Variants in PHYKPL observed in about 807,000 individuals in gnomAD.
PHYKPL encodes the protein 5-phosphohydroxy-L-lysine phospho-lyase.
In PHYKPL, 42 loss-of-function variants were observed where a neutral mutation model predicts 51.3. The ratio of observed to expected loss-of-function variants is 0.82; its 90% confidence interval spans 0.64 to 1.06. The LOEUF is 1.06. Among genes scored for constraint, PHYKPL ranks in the 50% least tolerant of loss-of-function variants. The pLI, the probability that PHYKPL is intolerant of heterozygous loss-of-function variation, is 0.00. For missense variants in PHYKPL, 655 were observed against 586.6 expected (o/e 1.12, Z -1.20); for synonymous variants, 264 against 236.0 (o/e 1.12, Z -1.09).
intron 12 of PHYKPL, chr5:178,210,822 G>A: frequency 1.7e-6 from 1 of 602,302 alleles, no homozygotes; most frequent in South Asian, 1.9e-5. Context: ...TGTGGTGTCT[G>A]AGAGGCCATA....
At chr5:178,217,863 A>G (rs1429968260) in intron 8 of PHYKPL, among the ~76,000 whole-genome samples, 1 of 149,900 alleles carries the variant, frequency 6.7e-6, no homozygotes, top group Non-Finnish European at 1.5e-5. Flanking sequence ...GTCTCAGAAA[A>G]AAAAAAAAAA....
At chr5:178,210,142 G>A (rs1186807419) in intron 12 of PHYKPL, 1 of 1,614,174 alleles carries the variant, frequency 6.2e-7, no homozygotes, top group Non-Finnish European at 8.5e-7. Flanking sequence ...GTCAGAGTCA[G>A]AGTTGGAATC....
intron 8 of PHYKPL, among the ~76,000 whole-genome samples, chr5:178,217,226 A>ATT (rs58049202): frequency 1.5e-3 from 218 of 143,680 alleles, no homozygotes; most frequent in South Asian, 4.7e-3. Flanking sequence ...GGCTCAACAG[A>ATT]TTTTTTTTTT....
intron 3 of PHYKPL, among the ~76,000 whole-genome samples, chr5:178,227,542 A>G (rs115614319): frequency 0.012 from 1,875 of 152,198 alleles, 42 homozygotes; most frequent in African/African-American, 0.043. Context: ...GAAGGAAAAG[A>G]GCTCAGTGTG....
chr5:178,222,769 C>A, intron 7 of PHYKPL, 83 bp downstream of exon 7: 1 of 1,501,830 alleles, frequency 6.7e-7, no homozygotes, highest in Non-Finnish European at 9.2e-7. Context: ...TCAGGACAGG[C>A]TGAGGTTGGG....
intron 9 of PHYKPL, 135 bp from the exon 10 acceptor site, chr5:178,215,020 G>A: frequency 1.2e-6 from 1 of 865,096 alleles, no homozygotes; most frequent in Non-Finnish European, 1.8e-6. Context: ...GGTGAGAATA[G>A]TTTCAGGGAA....
intron 3 of PHYKPL, chr5:178,228,538 C>G (rs1488276623): frequency 1.4e-6 from 1 of 702,590 alleles, no homozygotes; most frequent in African/African-American, 1.7e-5. Flanking sequence ...CAGCTCTTGA[C>G]ATGGCAAATG....
chr5:178,232,232 G>A (rs969528282), intron 1 of PHYKPL: 12 of 1,259,246 alleles, frequency 9.5e-6, no homozygotes, highest in South Asian at 2.5e-5. Flanking sequence ...TGAGGGCGGG[G>A]CCGTCTCCTG....
chr5:178,232,813 G>C (rs979866052), upstream of PHYKPL: 8 of 299,310 alleles, frequency 2.7e-5, no homozygotes, highest in African/African-American at 2.2e-4. Flanking sequence ...CTGGTTCCGG[G>C]ACGCGCCCCG....
intron 12 of PHYKPL, chr5:178,210,048 A>AC: frequency 6.4e-7 from 1 of 1,562,122 alleles, no homozygotes. Flanking sequence ...TAACCCTGCC[A>AC]CCCCAAAGGG....
At position 178,232,502 on chromosome 5, in the gene PHYKPL, G is replaced by C; in HGVS notation, c.49C>G (p.Arg17Gly). Reference sequence around the variant, plus strand: ...CCCCCGCCCGGGTACCTGATGAGCCGTTGCCTCAGGGCCAGCGTGTCGGCC... The same window carrying C: ...CCCCCGCCCGGGTACCTGATGAGCCCTTGCCTCAGGGCCAGCGTGTCGGCC... ...PKADTLALRQRLISSSCRLFF... is the reference protein window; with the variant it reads ...PKADTLALRQGLISSSCRLFF... The change falls in exon 1 of 13, where the codon CGG (arginine) becomes GGG (glycine). Residue 17 changes from arginine to glycine, a missense_variant. Physicochemically the swap from Arg to Gly is moderately radical, Grantham distance 125. Transcript: ENST00000308158. 7.5e-7 allele frequency: 1 copy of C among 1,341,288 alleles called. No individual in the cohort carries two copies. 83.1% of individuals were successfully genotyped at this position (1,341,288 alleles called of 1,614,324 possible). A position where few individuals can be genotyped will look rare whatever the true frequency, so the allele number is the denominator to read the frequency against.
Position 178,210,082 on chromosome 5 carries a change from C to G in PHYKPL, c.*32-1167G>C, listed in dbSNP as rs779878044. 2.5e-6 allele frequency: 4 copies of G among 1,603,148 alleles called. No individual in the cohort carries two copies. The South Asian group carries it at 4.5e-5, about 18-fold the overall frequency. ...GGCAGGATTTCCTCCATCCTAGCTCCTGCGTATGCTAAATGGTCCACGGGC... is the reference window on the plus strand; with the variant it reads ...GGCAGGATTTCCTCCATCCTAGCTCGTGCGTATGCTAAATGGTCCACGGGC... On this transcript the variant is annotated intron_variant, in intron 12 of 12. Coordinates refer to ENST00000308158, the MANE Select transcript of PHYKPL (RefSeq NM_153373.4).
At position 178,214,802 on chromosome 5, in the gene PHYKPL, A is replaced by G. The variant is rs1326438010; in HGVS notation, c.1166T>C (p.Val389Ala). 6.2e-7 allele frequency: 1 copy of G among 1,613,846 alleles called. No individual in the cohort carries two copies. Residue 389 changes from valine to alanine, a missense_variant, in exon 10 of 13, where the codon GTA becomes GCA. By Grantham distance (64) the Val-to-Ala change is moderately conservative. Transcript: ENST00000308158. ...TPATEEAAYL[V>A]SRLKENYVLL... is the part of the protein sequence containing the mutation. ...TGTTTCAAGAAGAAAATACCTTGAT[A>G]CCAAGTAGGCAGCCTCTTCAGTTGC... is the stretch of plus-strand genomic sequence containing the variant.
At chr5:178,210,780 C>CTA (rs1554104295) in intron 12 of PHYKPL, 1 of 661,436 alleles carries the variant, frequency 1.5e-6, no homozygotes, top group African/African-American at 1.8e-5. Context: ...CTCCTGTTGA[C>CTA]TATTTCCAGA....
At chr5:178,231,837 G>C in intron 1 of PHYKPL, 1 of 1,354,570 alleles carries the variant, frequency 7.4e-7, no homozygotes. Context: ...TGGCTGCCCC[G>C]TCCCATGGGG....
rs1763073867 is a variant in PHYKPL, at chr5:178,230,086, G to GT, written c.191dup (p.His64GlnfsTer10). ...CATGTGCTGCTTGGACCACGAGAGG[G>GT]TGGCAGTGCCCAACTGGAAGAGGGC... On this transcript the variant is annotated frameshift_variant, in exon 3 of 13. Transcript: ENST00000308158. LOFTEE classifies it high-confidence loss of function. 6.2e-7 allele frequency: 1 copy of GT among 1,613,894 alleles called. No homozygotes were observed. Among genetic ancestry groups the GT allele is most frequent in the African/African-American group, 1.3e-5 (1 of 74,932 alleles).
chr5:178,225,124 A>G, intron 4 of PHYKPL: 1 of 588,582 alleles, frequency 1.7e-6, no homozygotes, highest in Middle Eastern at 4.5e-4. Context: ...ACCACCTTTG[A>G]GTCTCTTACA....
intron 8 of PHYKPL, among the ~76,000 whole-genome samples, chr5:178,218,916 T>G (rs1001524521): frequency 1.3e-5 from 2 of 152,168 alleles, no homozygotes; most frequent in Admixed American, 1.3e-4. Flanking sequence ...AGAAAAAAAT[T>G]TGAGCCAACA....
intron 1 of PHYKPL, 124 bp downstream of exon 1, chr5:178,232,368 G>T: frequency 7.7e-7 from 1 of 1,300,242 alleles, no homozygotes; most frequent in Non-Finnish European, 9.7e-7. Context: ...GCGGCCGGAC[G>T]GGATGGGTAG....
Sources: gnomAD v4.1 joint callset for allele counts (sites outside exome capture counted in the v4.1 genomes callset) on GRCh38, gnomAD v4.1.1 for gene constraint, MANE v1.5 for transcripts, NCBI Gene and HGNC (gene_info 2026-07-23, HGNC 2026-07-21) for gene names.